The following ITGB6 variants were observed in gnomAD, a reference collection of about 807,000 sequenced individuals.
The protein encoded by ITGB6 is integrin subunit beta 6.
Under a neutral mutation model 84.5 loss-of-function variants are expected in ITGB6, and 80 were observed. The ratio of observed to expected loss-of-function variants is 0.95; its 90% CI spans 0.79 to 1.14. The LOEUF (loss-of-function observed/expected upper bound fraction) is 1.14, where lower values mean the gene tolerates loss of function less well. Among genes scored for constraint, ITGB6 ranks in the 50% most tolerant of loss-of-function variants. The pLI, the probability that ITGB6 is intolerant of heterozygous loss-of-function variation, is 0.00. For missense variants in ITGB6, 1,006 were observed against 968.0 expected (o/e 1.04, Z -0.52); for synonymous variants, 383 against 354.9 (o/e 1.08, Z -0.89).
intron 4 of ITGB6, among the ~76,000 whole-genome samples, chr2:160,177,946 G>A (rs1294607458): frequency 6.6e-6 from 1 of 152,102 alleles, no homozygotes; most frequent in Non-Finnish European, 1.5e-5. Context: ...CATGATCTCG[G>A]CTCACTGCAA....
chr2:160,195,589 C>T lies in ITGB6; in HGVS notation c.373G>A (p.Val125Ile). 1.2e-6 allele frequency: 2 copies of T among 1,614,082 alleles called. No individual in the cohort carries two copies. Among genetic ancestry groups the T allele is most frequent in the Non-Finnish European group, 1.7e-6 (2 of 1,179,974 alleles). Residue 125 changes from valine (V) to isoleucine (I), a missense_variant, in exon 4 of 15, where the codon GTC (valine) becomes ATC (isoleucine). Val to Ile is a conservative substitution (Grantham distance 29). Coordinates refer to ENST00000283249, the MANE Select transcript of ITGB6 (RefSeq NM_000888.5). ...ACCGGGTAGTCCTCAGTCTGGCGGA[C>T]ATGCACCTGCAGAGTCTGCGCACCA... ...PGGAQTLQVH[V>I]RQTEDYPVDL...
intron 8 of ITGB6, among the ~76,000 whole-genome samples, chr2:160,140,420 G>A (rs1390932122): frequency 2.0e-5 from 3 of 152,188 alleles, no homozygotes; most frequent in Admixed American, 6.5e-5. Context: ...GAGGCATGGC[G>A]GCTGCTCTTA....
Position 160,174,108 on chromosome 2 carries a change from C to A in ITGB6, c.625G>T (p.Gly209Ter), listed in dbSNP as rs561588576. The change falls in exon 5 of 15, where the codon GGA (glycine) becomes TGA (stop). Residue 209 changes from glycine (G) to a stop codon, truncating the protein, a stop_gained. Transcript: ENST00000283249. LOFTEE classifies it high-confidence loss of function. ...GTCAATGGCAAAATGTGCTTGAATC[C>A]AAATGTAGGTAAACAGAAGTATGGA... ...SIPYFCLPTF[G>*]FKHILPLTND... is the part of the protein sequence containing the mutation. 6.2e-7 allele frequency: 1 copy of A among 1,610,560 alleles called. No individual in the cohort carries two copies. Among genetic ancestry groups the A allele is most frequent in the East Asian group, 2.2e-5 (1 of 44,776 alleles).
intron 7 of ITGB6, among the ~76,000 whole-genome samples, chr2:160,156,904 G>T (rs1189975654): frequency 3.3e-5 from 5 of 152,192 alleles, no homozygotes; most frequent in Admixed American, 3.3e-4. Context: ...CTCCAAGGGA[G>T]GTTAATGAGT....
intron 4 of ITGB6, among the ~76,000 whole-genome samples, chr2:160,190,212 G>T (rs1337710924): frequency 1.3e-5 from 2 of 149,180 alleles, no homozygotes; most frequent in East Asian, 2.0e-4. Context: ...TGTGGGTTGG[G>T]GGGAGGGGGG....
intron 4 of ITGB6, among the ~76,000 whole-genome samples, chr2:160,195,147 A>T (rs1395272569): frequency 6.6e-6 from 1 of 152,098 alleles, no homozygotes; most frequent in East Asian, 1.9e-4. Context: ...CTATACTGGG[A>T]GGCAAATGCA....
chr2:160,139,680 T>C (rs1683917189), intron 8 of ITGB6, among the ~76,000 whole-genome samples: 1 of 152,226 alleles, frequency 6.6e-6, no homozygotes, highest in African/African-American at 2.4e-5. Context: ...TATTTTAGTG[T>C]GAATTTCCCA....
At chr2:160,157,529 A>C (rs1242839195) in intron 7 of ITGB6, among the ~76,000 whole-genome samples, 4 of 152,214 alleles carry the variant, frequency 2.6e-5, no homozygotes, top group Non-Finnish European at 5.9e-5. Flanking sequence ...TGGGAATCTT[A>C]TTAGAAATTT....
At chr2:160,159,946 G>A (rs1336467784) in intron 7 of ITGB6, among the ~76,000 whole-genome samples, 5 of 152,076 alleles carry the variant, frequency 3.3e-5, no homozygotes, top group African/African-American at 4.8e-5. Flanking sequence ...ACAAAACAGT[G>A]TCTTTTTTTA....
chr2:160,160,562 G>T (rs1684777848), intron 7 of ITGB6, among the ~76,000 whole-genome samples: 1 of 151,980 alleles, frequency 6.6e-6, no homozygotes, highest in Non-Finnish European at 1.5e-5. Context: ...CTAGTCCCTT[G>T]GTAGGATATT....
chr2:160,150,241 A>T (rs1684360759), intron 7 of ITGB6, among the ~76,000 whole-genome samples: 1 of 152,256 alleles, frequency 6.6e-6, no homozygotes, highest in Non-Finnish European at 1.5e-5. Context: ...GAAGCCCATC[A>T]GATTAACAAC....
intron 8 of ITGB6, 83 bp from the exon 9 acceptor site, chr2:160,138,282 G>A: frequency 7.5e-7 from 1 of 1,333,498 alleles, no homozygotes; most frequent in Non-Finnish European, 1.0e-6. Context: ...CATGTTCATT[G>A]AACTACAAAT....
At chr2:160,138,510 A>G (rs1683863307) in intron 8 of ITGB6, among the ~76,000 whole-genome samples, 1 of 152,212 alleles carries the variant, frequency 6.6e-6, no homozygotes, top group African/African-American at 2.4e-5. Context: ...TTGCTTTGAA[A>G]ATCATTTTAT....
Position 160,126,367 on chromosome 2 carries a change from CAG to C in ITGB6, c.1883+10_1883+11del. The C allele has an allele frequency of 1.2e-6, 2 of 1,611,854 alleles. No individual in the cohort carries two copies. The highest frequency in any genetic ancestry group is 1.7e-6 in the Non-Finnish European group (2 of 1,177,892). On this transcript the variant is annotated intron_variant, in intron 11 of 14. Transcript: ENST00000283249. Reference sequence around the variant, plus strand: ...TATCCACATAAGGAATGGAGAAAAGCAGAGACATTACCGTTTAGAGTTACAGG... The same window carrying C: ...TATCCACATAAGGAATGGAGAAAAGCAGACATTACCGTTTAGAGTTACAGG...
At chr2:160,162,513 T>G (rs184592694) in intron 7 of ITGB6, among the ~76,000 whole-genome samples, 1 of 152,176 alleles carries the variant, frequency 6.6e-6, no homozygotes, top group South Asian at 2.1e-4. Context: ...TTACACAGCA[T>G]GCAACTAGAT....
chr2:160,122,449 G>A (rs1422770037), intron 12 of ITGB6, among the ~76,000 whole-genome samples: 1 of 152,118 alleles, frequency 6.6e-6, no homozygotes, highest in Non-Finnish European at 1.5e-5. Context: ...AATTTGCAGA[G>A]CATTTTCTGC....
At chr2:160,134,531 G>C (rs1325517285) in intron 10 of ITGB6, among the ~76,000 whole-genome samples, 1 of 152,240 alleles carries the variant, frequency 6.6e-6, no homozygotes, top group East Asian at 1.9e-4. Context: ...TAGAAAAAGG[G>C]GGAATCCTCC....
chr2:160,156,745 T>C (rs1684637218), intron 7 of ITGB6, among the ~76,000 whole-genome samples: 1 of 152,216 alleles, frequency 6.6e-6, no homozygotes, highest in African/African-American at 2.4e-5. Context: ...ACTTTCCTGA[T>C]GTCATCCAGC....
chr2:160,104,481 C>G (rs1374557467), intron 14 of ITGB6, among the ~76,000 whole-genome samples: 1 of 152,174 alleles, frequency 6.6e-6, no homozygotes, highest in Non-Finnish European at 1.5e-5. Context: ...TTTGGGGTTA[C>G]CAGGCTGATT....
Sources: allele counts gnomAD v4.1 joint callset (sites outside exome capture counted in the v4.1 genomes callset), GRCh38; gene constraint gnomAD v4.1.1; transcripts MANE v1.5; gene names NCBI Gene and HGNC (gene_info 2026-07-23, HGNC 2026-07-21).